Variants in CPPED1 observed in about 807,000 individuals in gnomAD.
CPPED1 encodes calcineurin like phosphoesterase domain containing 1.
A neutral mutation model predicts 28.0 loss-of-function variants in CPPED1; 28 were observed. That is an observed-to-expected ratio of 1.00 (90% CI 0.74 to 1.37). CPPED1 has a LOEUF of 1.37. CPPED1 is among the 40% of genes most tolerant of loss of function. The probability of loss-of-function intolerance (pLI) is 0.00; values close to 1 mark genes in which losing one functional copy is unlikely to be tolerated. For missense variants in CPPED1, 504 were observed against 416.5 expected (o/e 1.21, Z -1.83); for synonymous variants, 198 against 180.2 (o/e 1.10, Z -0.79).
In CPPED1 at chr16:12,683,872, C is replaced by T. The variant is rs144096334; in HGVS notation, c.716-18757G>A. Among the ~76,000 whole-genome samples, 353 of 152,304 alleles carry T rather than the reference C, an allele frequency of 2.3e-3. 1 individual carries two copies. Among genetic ancestry groups the T allele is most frequent in the African/African-American group, 7.9e-3 (329 of 41,578 alleles). Reference sequence around the variant, plus strand: ...GAGGAGGTGAGCAGTCCAGGGAGGGCGCAGCCTCTCCAGGATTTCAATAAG... The same window carrying T: ...GAGGAGGTGAGCAGTCCAGGGAGGGTGCAGCCTCTCCAGGATTTCAATAAG... On this transcript the variant is annotated intron_variant, in intron 3 of 3. Transcript: ENST00000381774.
intron 2 of CPPED1, among the ~76,000 whole-genome samples, chr16:12,749,711 C>A (rs2080314778): frequency 1.3e-5 from 2 of 152,138 alleles, no homozygotes; most frequent in Admixed American, 1.3e-4. Context: ...TCTCAGCCTC[C>A]CAAGTAGCTT....
At chr16:12,786,656 C>T (rs2080565148) in intron 1 of CPPED1, among the ~76,000 whole-genome samples, 1 of 152,138 alleles carries the variant, frequency 6.6e-6, no homozygotes, top group African/African-American at 2.4e-5. Context: ...CATGGTGGCT[C>T]ACACCTGTAA....
intron 2 of CPPED1, among the ~76,000 whole-genome samples, chr16:12,715,691 G>A (rs1399792056): frequency 6.6e-6 from 1 of 151,136 alleles, no homozygotes; most frequent in African/African-American, 2.4e-5. Flanking sequence ...CTATCTTCCA[G>A]ATAATTTTGT....
chr16:12,769,931 G>A (rs1234629298), intron 2 of CPPED1, among the ~76,000 whole-genome samples: 1 of 152,042 alleles, frequency 6.6e-6, no homozygotes, highest in African/African-American at 2.4e-5. Flanking sequence ...ACATAACAAC[G>A]CAAGGCTAAT....
chr16:12,748,411 T>A lies in CPPED1; in HGVS notation c.289+32774A>T, dbSNP rs370945776. ...ACCATTTACACACAGTTTAAAAACA[T>A]GTGAAATAAGCTTATATATTTCTGA... On this transcript the variant is annotated intron_variant, in intron 2 of 3. Coordinates refer to ENST00000381774, the MANE Select transcript of CPPED1 (RefSeq NM_018340.3). Among the ~76,000 whole-genome samples, 3 of 152,286 alleles carry A rather than the reference T, an allele frequency of 2.0e-5. No homozygotes were observed. In the East Asian group the frequency reaches 5.8e-4, roughly 29 times the overall value.
intron 3 of CPPED1, among the ~76,000 whole-genome samples, chr16:12,677,807 C>T (rs944662699): frequency 1.3e-5 from 2 of 152,158 alleles, no homozygotes; most frequent in Non-Finnish European, 2.9e-5. Context: ...CATGGAACTT[C>T]TTTTGAGGAT....
chr16:12,696,021 C>T (rs190458887), intron 3 of CPPED1, among the ~76,000 whole-genome samples: 4 of 152,272 alleles, frequency 2.6e-5, no homozygotes, highest in Admixed American at 2.0e-4. Flanking sequence ...AACCAGTACC[C>T]CCTTTTGTTA....
At chr16:12,676,099 C>T (rs1277106426) in intron 3 of CPPED1, among the ~76,000 whole-genome samples, 1 of 152,172 alleles carries the variant, frequency 6.6e-6, no homozygotes, top group Admixed American at 6.6e-5. Flanking sequence ...TTCTAGATTC[C>T]AGCATATTTG....
rs941925947 is a variant in CPPED1 at position 12,706,032 on chromosome 16, G to A, written c.290-983C>T. ...CACGTCATTTACTTTTAGTTACATT[G>A]TTAGACGTGTAAGAGTTCAGAATTT... On this transcript the variant is annotated intron_variant, in intron 2 of 3. Coordinates refer to ENST00000381774, the MANE Select transcript of CPPED1 (RefSeq NM_018340.3). Among the ~76,000 whole-genome samples the A allele has an allele frequency of 1.7e-4, 26 of 152,134 alleles. No individual in the cohort carries two copies. The East Asian group carries it at 1.9e-3, about 11-fold the overall frequency.
chr16:12,736,270 G>C (rs1285621059), intron 2 of CPPED1, among the ~76,000 whole-genome samples: 2 of 148,840 alleles, frequency 1.3e-5, no homozygotes, highest in African/African-American at 2.5e-5. Flanking sequence ...TTTTGAGATG[G>C]AGTCTCACTC....
intron 2 of CPPED1, among the ~76,000 whole-genome samples, chr16:12,736,454 G>T (rs2080227306): frequency 6.6e-6 from 1 of 152,004 alleles, no homozygotes; most frequent in Non-Finnish European, 1.5e-5. Context: ...GGCTAGGCTG[G>T]TCTCAAGCTC....
At chr16:12,784,893 T>C (rs2080553748) in intron 1 of CPPED1, among the ~76,000 whole-genome samples, 1 of 152,256 alleles carries the variant, frequency 6.6e-6, no homozygotes, top group Non-Finnish European at 1.5e-5. Flanking sequence ...CTTTCATTAT[T>C]ACTTGTTTAC....
chr16:12,710,233 G>A (rs895988407), intron 2 of CPPED1, among the ~76,000 whole-genome samples: 2 of 152,046 alleles, frequency 1.3e-5, no homozygotes, highest in Non-Finnish European at 2.9e-5. Flanking sequence ...AAAAATTAGA[G>A]GTTTAACAAG....
intron 1 of CPPED1, among the ~76,000 whole-genome samples, chr16:12,784,449 C>T (rs1417903277): frequency 4.6e-5 from 7 of 151,824 alleles, no homozygotes; most frequent in Non-Finnish European, 8.8e-5. Flanking sequence ...TGTGAAACTT[C>T]AGGGTAATTT....
chr16:12,731,269 T>A (rs866534013), intron 2 of CPPED1, among the ~76,000 whole-genome samples: 14 of 150,954 alleles, frequency 9.3e-5, no homozygotes, highest in African/African-American at 2.7e-4. Context: ...TTCCCCTGCC[T>A]CAGCCTCCCG....
At chr16:12,756,272 A>G (rs1217110778) in intron 2 of CPPED1, among the ~76,000 whole-genome samples, 2 of 152,232 alleles carry the variant, frequency 1.3e-5, no homozygotes, top group East Asian at 1.9e-4. Flanking sequence ...ATCGTCTTAA[A>G]TAAGAGTCTC....
intron 2 of CPPED1, chr16:12,757,653 G>C (rs1298100156): frequency 2.2e-5 from 3 of 135,040 alleles, no homozygotes; most frequent in Non-Finnish European, 3.1e-5. Context: ...AGCAGCGTAT[G>C]TGTTGTGAGC....
chr16:12,788,836 T>C (rs563848968), intron 1 of CPPED1, among the ~76,000 whole-genome samples: 24 of 152,292 alleles, frequency 1.6e-4, no homozygotes, highest in Admixed American at 3.3e-4. Flanking sequence ...AAGACAATGA[T>C]GGCAAGACCC....
At chr16:12,770,921 G>C (rs1438215524) in intron 2 of CPPED1, among the ~76,000 whole-genome samples, 4 of 151,976 alleles carry the variant, frequency 2.6e-5, no homozygotes, top group African/African-American at 9.7e-5. Flanking sequence ...GAAAGGGTGA[G>C]CATGCTGACA....
Sources: allele counts gnomAD v4.1 joint callset (sites outside exome capture counted in the v4.1 genomes callset), GRCh38; gene constraint gnomAD v4.1.1; transcripts MANE v1.5; gene names NCBI Gene and HGNC (gene_info 2026-07-23, HGNC 2026-07-21).